EPB41L4A: variants seen among roughly 807,000 people sequenced by gnomAD.
The protein encoded by EPB41L4A is band 4.1-like protein 4A.
A neutral mutation model predicts 108.6 loss-of-function variants in EPB41L4A; 100 were observed. The observed-to-expected ratio is 0.92, with a 90% CI of 0.78 to 1.09. The LOEUF is 1.09. Among genes scored for constraint, EPB41L4A ranks in the 50% least tolerant of loss-of-function variants. EPB41L4A has a pLI of 0.00. For missense variants in EPB41L4A, 1,030 were observed against 842.7 expected (o/e 1.22, Z -2.75); for synonymous variants, 319 against 289.0 (o/e 1.10, Z -1.05).
chr5:112,331,975 T>C (rs1403437867), intron 1 of EPB41L4A, among the ~76,000 whole-genome samples: 1 of 152,232 alleles, frequency 6.6e-6, no homozygotes, highest in Non-Finnish European at 1.5e-5. Flanking sequence ...ATAGGAGCAT[T>C]TCTTGTTAAG....
At chr5:112,224,185 T>G (rs568768127) in intron 12 of EPB41L4A, among the ~76,000 whole-genome samples, 319 of 152,160 alleles carry the variant, frequency 2.1e-3, no homozygotes, top group African/African-American at 7.0e-3. Flanking sequence ...CTCCTGACCT[T>G]GTGATCCACC....
At chr5:112,327,360 G>A (rs1295853750) in intron 1 of EPB41L4A, among the ~76,000 whole-genome samples, 2 of 152,194 alleles carry the variant, frequency 1.3e-5, no homozygotes, top group Non-Finnish European at 2.9e-5. Flanking sequence ...CTTTAAGGAT[G>A]TAGCAATGTC....
intron 1 of EPB41L4A, among the ~76,000 whole-genome samples, chr5:112,339,523 T>TAG (rs1322425411): frequency 2.5e-4 from 14 of 56,958 alleles, no homozygotes; most frequent in African/African-American, 1.1e-3. Context: ...TATATAGATA[T>TAG]ATATCTATAT....
At chr5:112,159,169 C>CT (rs147930283), downstream of EPB41L4A, among the ~76,000 whole-genome samples, 34,892 of 150,218 alleles carry the variant, frequency 0.23, 4,384 homozygotes, top group African/African-American at 0.34. Context: ...CCTGAATTTT[C>CT]TTTTTTTTTT....
downstream of EPB41L4A, among the ~76,000 whole-genome samples, chr5:112,160,059 C>T (rs570808759): frequency 6.3e-4 from 96 of 151,326 alleles, no homozygotes; most frequent in African/African-American, 2.1e-3. Flanking sequence ...TATAGACGCC[C>T]GCCACCAAGC....
intron 12 of EPB41L4A, among the ~76,000 whole-genome samples, chr5:112,213,516 T>C (rs957289230): frequency 1.3e-5 from 2 of 152,048 alleles, no homozygotes; most frequent in African/African-American, 4.8e-5. Flanking sequence ...GCCCGGCTAA[T>C]TTTTGTATTT....
intron 13 of EPB41L4A, among the ~76,000 whole-genome samples, chr5:112,144,565 C>G (rs74922755): frequency 0.052 from 7,980 of 152,250 alleles, 681 homozygotes; most frequent in African/African-American, 0.18. Flanking sequence ...GTATGAGCCA[C>G]CGCGCCTGGT....
chr5:112,372,927 G>A (rs1207310633), intron 1 of EPB41L4A, among the ~76,000 whole-genome samples: 1 of 152,204 alleles, frequency 6.6e-6, no homozygotes. Flanking sequence ...AAGTAAAAGT[G>A]ACAGGGTTCA....
At chr5:112,231,321 T>C (rs986300713) in intron 12 of EPB41L4A, among the ~76,000 whole-genome samples, 8 of 152,200 alleles carry the variant, frequency 5.3e-5, no homozygotes, top group African/African-American at 1.9e-4. Context: ...GTGAAAAAGA[T>C]ATACAATTGA....
rs1420991626 is a variant in EPB41L4A, at chr5:112,286,370, A to T, written c.205-6047T>A. On this transcript the variant is annotated intron_variant, in intron 2 of 22. Coordinates refer to ENST00000261486, the MANE Select transcript of EPB41L4A (RefSeq NM_022140.5). ...GCACAACCATAGGTGGGCTTGCTTT[A>T]CATTCATTAGCAATAACCCAAGGGA... Among the ~76,000 whole-genome samples, 3 of 152,146 alleles carry T rather than the reference A, an allele frequency of 2.0e-5. No individual in the cohort carries two copies. In the East Asian group the frequency reaches 5.8e-4, roughly 29 times the overall value.
intron 1 of EPB41L4A, among the ~76,000 whole-genome samples, chr5:112,418,054 G>GC (rs11382345): frequency 0.055 from 8,411 of 152,142 alleles, 716 homozygotes; most frequent in African/African-American, 0.18. Flanking sequence ...GGGGGCGGGG[G>GC]GGCGGTTTCC....
rs754627802 is a variant in EPB41L4A, at chr5:112,339,543, T to TATATA, written c.100-32054_100-32053insTATAT. 1.8e-3 allele frequency among the ~76,000 whole-genome samples: 160 copies of TATATA among 90,448 alleles called. 1 individual carries two copies. The highest frequency in any genetic ancestry group is 6.4e-3 in the Middle Eastern group (1 of 156). The allele number at this position is 90,448 out of a possible 152,430, so 59.3% of individuals were successfully genotyped here. A position where few individuals can be genotyped will look rare whatever the true frequency, so the allele number is the denominator to read the frequency against. On this transcript the variant is annotated intron_variant, in intron 1 of 22. Coordinates refer to ENST00000261486, the MANE Select transcript of EPB41L4A (RefSeq NM_022140.5). Reference sequence around the variant, plus strand: ...AGATATATATCTATATATATATATATTTTTTTTTTAGACAGAGTCTCATTC... The same window carrying TATATA: ...AGATATATATCTATATATATATATATATATATTTTTTTTTAGACAGAGTCTCATTC...
At chr5:112,291,750 C>T (rs1404064849) in intron 2 of EPB41L4A, among the ~76,000 whole-genome samples, 1 of 152,222 alleles carries the variant, frequency 6.6e-6, no homozygotes, top group Non-Finnish European at 1.5e-5. Flanking sequence ...TCTAGGTAGC[C>T]GAACACATGC....
At chr5:112,370,262 C>G (rs1291135128) in intron 1 of EPB41L4A, among the ~76,000 whole-genome samples, 1 of 150,920 alleles carries the variant, frequency 6.6e-6, no homozygotes, top group Non-Finnish European at 1.5e-5. Flanking sequence ...GTCTCAAACT[C>G]CTGGACTCCA....
At chr5:112,152,208 A>G (rs576529899) in intron 12 of EPB41L4A, among the ~76,000 whole-genome samples, 32 of 152,204 alleles carry the variant, frequency 2.1e-4, no homozygotes, top group African/African-American at 7.0e-4. Flanking sequence ...AAAAAAAAAC[A>G]TAGAAGAAAG....
chr5:112,164,844 A>C lies in EPB41L4A; in HGVS notation c.*146T>G. On this transcript the variant is annotated 3_prime_UTR_variant, in exon 23 of 23. Transcript: ENST00000261486. ...GTGATAACATCTCAAAAAAAAAAAA[A>C]AAAAGAAGCAAAAGATAATGTATTT... The C allele has an allele frequency of 1.0e-6, 1 of 973,134 alleles. No individual in the cohort carries two copies. The highest frequency in any genetic ancestry group is 2.2e-5 in the South Asian group (1 of 44,622). 60.3% of individuals were successfully genotyped at this position (973,134 alleles called of 1,614,324 possible).
chr5:112,210,567 A>G (rs1316997788), intron 12 of EPB41L4A, among the ~76,000 whole-genome samples: 1 of 152,202 alleles, frequency 6.6e-6, no homozygotes, highest in Middle Eastern at 3.2e-3. Context: ...AAAAGTTGTT[A>G]TTCCATAGAT....
chr5:112,408,345 T>C (rs1459150854), intron 1 of EPB41L4A, among the ~76,000 whole-genome samples: 7 of 151,882 alleles, frequency 4.6e-5, no homozygotes, highest in South Asian at 2.1e-4. Flanking sequence ...TAGGAAAAAA[T>C]ATAGATAAAC....
chr5:112,314,505 T>TAAAAAAAAAAAAAAAAAAAAAAAAA (rs552428109), intron 1 of EPB41L4A, among the ~76,000 whole-genome samples: 5 of 55,178 alleles, frequency 9.1e-5, no homozygotes, highest in East Asian at 8.2e-4. Flanking sequence ...CCATCGCTAC[T>TAAAAAAAAAAAAAAAAAAAAAAAAA]AAAAAAAAAA....
Sources: gnomAD v4.1 joint callset for allele counts (sites outside exome capture counted in the v4.1 genomes callset) on GRCh38, gnomAD v4.1.1 for gene constraint, MANE v1.5 for transcripts, NCBI Gene and HGNC (gene_info 2026-07-23, HGNC 2026-07-21) for gene names.